The following CDH13 variants were observed in gnomAD, a reference collection of about 807,000 sequenced individuals.
CDH13 encodes cadherin 13.
A neutral mutation model predicts 63.8 loss-of-function variants in CDH13; 24 were observed. That is an observed-to-expected ratio of 0.38 (90% CI 0.27 to 0.53). The LOEUF (loss-of-function observed/expected upper bound fraction) is 0.53, where lower values mean the gene tolerates loss of function less well. CDH13 is among the 20% of genes least tolerant of loss of function. CDH13 has a pLI of 0.85. For synonymous variants in CDH13, 503 were observed against 355.3 expected, an observed-to-expected ratio of 1.42 and a Z score of -4.67; for missense variants, 1,049 against 903.1, an observed-to-expected ratio of 1.16 and a Z score of -2.07.
At chr16:82,742,164 A>G (rs903435232) in intron 1 of CDH13, among the ~76,000 whole-genome samples, 76 of 152,222 alleles carry the variant, frequency 5.0e-4, no homozygotes, top group Non-Finnish European at 7.4e-5. Context: ...TAAGAAATTA[A>G]GAGCACAAGA....
At chr16:83,167,739 G>T (rs937729199) in intron 4 of CDH13, among the ~76,000 whole-genome samples, 8 of 149,162 alleles carry the variant, frequency 5.4e-5, no homozygotes, top group African/African-American at 1.7e-4. Context: ...CCTCCTTCTG[G>T]TTTCCATTTT....
At chr16:82,781,908 G>A (rs187443353) in intron 1 of CDH13, among the ~76,000 whole-genome samples, 11 of 152,346 alleles carry the variant, frequency 7.2e-5, no homozygotes, top group Admixed American at 7.2e-4. Context: ...GTGCCGTGTT[G>A]CTGTGGGAAC....
chr16:83,596,466 C>T (rs1390468158), intron 7 of CDH13, among the ~76,000 whole-genome samples: 1 of 152,152 alleles, frequency 6.6e-6, no homozygotes, highest in Non-Finnish European at 1.5e-5. Flanking sequence ...ACAAACATGA[C>T]AAGTGGCCAC....
intron 1 of CDH13, among the ~76,000 whole-genome samples, chr16:82,818,938 C>A (rs922607092): frequency 6.6e-6 from 1 of 152,178 alleles, no homozygotes. Context: ...AACTTGCTCC[C>A]CTCTGAGTGC....
chr16:82,866,163 C>G (rs1183241723), intron 2 of CDH13, among the ~76,000 whole-genome samples: 2 of 152,104 alleles, frequency 1.3e-5, no homozygotes, highest in African/African-American at 2.4e-5. Context: ...ATATTACTAT[C>G]AGCATTTTGG....
intron 2 of CDH13, among the ~76,000 whole-genome samples, chr16:82,903,027 C>T (rs972004741): frequency 6.6e-6 from 1 of 152,202 alleles, no homozygotes; most frequent in Non-Finnish European, 1.5e-5. Flanking sequence ...CTGACTCTTA[C>T]ATTATTTCTT....
At chr16:82,674,168 C>G (rs1056123539) in intron 1 of CDH13, among the ~76,000 whole-genome samples, 2 of 152,168 alleles carry the variant, frequency 1.3e-5, no homozygotes, top group African/African-American at 4.8e-5. Context: ...GAAAATCACA[C>G]CTCATTTCAA....
At chr16:83,200,670 A>G (rs2039000180) in intron 4 of CDH13, among the ~76,000 whole-genome samples, 1 of 152,162 alleles carries the variant, frequency 6.6e-6, no homozygotes, top group Admixed American at 6.5e-5. Context: ...CTTGAGAGGA[A>G]CTTAAATCTA....
intron 2 of CDH13, among the ~76,000 whole-genome samples, chr16:82,875,971 A>G (rs147825826): frequency 9.3e-4 from 141 of 152,328 alleles, no homozygotes; most frequent in African/African-American, 3.3e-3. Flanking sequence ...AAAAGCATGG[A>G]GGAGCAAGTT....
At chr16:82,768,408 T>C (rs1204786836) in intron 1 of CDH13, among the ~76,000 whole-genome samples, 1 of 152,150 alleles carries the variant, frequency 6.6e-6, no homozygotes, top group East Asian at 1.9e-4. Flanking sequence ...ACTACAGCCT[T>C]TGCAGAATTT....
At chr16:83,058,227 C>A (rs1409240491) in intron 3 of CDH13, among the ~76,000 whole-genome samples, 1 of 152,136 alleles carries the variant, frequency 6.6e-6, no homozygotes, top group African/African-American at 2.4e-5. Context: ...GCAGAACTCT[C>A]AGAAGCTTTT....
intron 2 of CDH13, among the ~76,000 whole-genome samples, chr16:82,864,733 C>G (rs967682801): frequency 6.6e-6 from 1 of 152,122 alleles, no homozygotes; most frequent in African/African-American, 2.4e-5. Context: ...TGGTTCCTCC[C>G]AAATCTCATG....
At chr16:83,709,632 C>A (rs908419688) in intron 10 of CDH13, among the ~76,000 whole-genome samples, 6 of 152,210 alleles carry the variant, frequency 3.9e-5, no homozygotes, top group African/African-American at 1.4e-4. Context: ...CACAGTGAGC[C>A]TCTTAAAATA....
intron 1 of CDH13, among the ~76,000 whole-genome samples, chr16:82,801,259 T>G (rs150953885): frequency 6.6e-6 from 1 of 152,346 alleles, no homozygotes; most frequent in Non-Finnish European, 1.5e-5. Context: ...TTTCCCACTC[T>G]GCTATCAGCC....
In CDH13 at chr16:83,215,757, G is replaced by C. The variant is rs545971912; in HGVS notation, c.484-1588G>C. On this transcript the variant is annotated intron_variant, in intron 4 of 13. Coordinates refer to ENST00000567109, the MANE Select transcript of CDH13 (RefSeq NM_001257.5). ...GTTGAGTATGTGTCAACAGGTGCCT[G>C]TTCGTTTGTAATTTGGTGACAGCTA... Among the ~76,000 whole-genome samples the C allele has an allele frequency of 1.1e-4, 17 of 152,272 alleles. No homozygotes were observed. The South Asian group carries it at 3.5e-3, about 32-fold the overall frequency.
At chr16:83,417,768 A>C (rs979206805) in intron 6 of CDH13, among the ~76,000 whole-genome samples, 1 of 152,198 alleles carries the variant, frequency 6.6e-6, no homozygotes, top group Non-Finnish European at 1.5e-5. Flanking sequence ...CTGTTATATA[A>C]GCAATCAGAA....
At chr16:83,283,188 C>A (rs2089224102) in intron 5 of CDH13, among the ~76,000 whole-genome samples, 1 of 152,180 alleles carries the variant, frequency 6.6e-6, no homozygotes, top group Admixed American at 6.5e-5. Flanking sequence ...TCCATCCTGG[C>A]TGAATGTTTG....
At chr16:83,624,773 C>A (rs192966586) in intron 8 of CDH13, among the ~76,000 whole-genome samples, 1 of 152,230 alleles carries the variant, frequency 6.6e-6, no homozygotes, top group Non-Finnish European at 1.5e-5. Flanking sequence ...TTGACTGCAC[C>A]AACGTGACCT....
intron 1 of CDH13, among the ~76,000 whole-genome samples, chr16:82,742,054 A>G (rs1382536470): frequency 6.6e-6 from 1 of 152,340 alleles, no homozygotes; most frequent in Admixed American, 6.5e-5. Context: ...GCCCGGTTAT[A>G]TAAAATCATG....
Sources: gnomAD v4.1 joint callset for allele counts (sites outside exome capture counted in the v4.1 genomes callset) on GRCh38, gnomAD v4.1.1 for gene constraint, MANE v1.5 for transcripts, NCBI Gene and HGNC (gene_info 2026-07-23, HGNC 2026-07-21) for gene names.